Variants in TNPO1 observed in about 807,000 individuals in gnomAD.
TNPO1 encodes the protein transportin-1.
TNPO1 carries 8 observed loss-of-function variants against 119.5 expected under a neutral mutation model. That is an observed-to-expected ratio of 0.07 (90% CI 0.04 to 0.12). TNPO1 has a LOEUF of 0.12. Ranked by LOEUF, TNPO1 falls within the 10% of genes least tolerant of loss-of-function variation. TNPO1 has a pLI of 1.00. For synonymous variants in TNPO1, 362 were observed against 363.0 expected (o/e 1.00, Z 0.03); for missense variants, 576 against 1,089.8 (o/e 0.53, Z 6.64).
intron 19 of TNPO1, 83 bp downstream of exon 19, chr5:72,896,639 G>A (rs995266084): frequency 1.8e-5 from 19 of 1,068,416 alleles, no homozygotes; most frequent in Non-Finnish European, 2.3e-5. Flanking sequence ...GGAGGCTGAG[G>A]CGGGCAGATC....
intron 9 of TNPO1, chr5:72,878,748 G>T: frequency 4.0e-6 from 1 of 251,232 alleles, no homozygotes; most frequent in Non-Finnish European, 7.9e-6. Flanking sequence ...ATACGTTTGA[G>T]TTTCTGTGGG....
intron 6 of TNPO1, 108 bp from the exon 7 acceptor site, chr5:72,872,531 A>G (rs1747481466): frequency 1.5e-6 from 1 of 666,364 alleles, no homozygotes; most frequent in Non-Finnish European, 2.4e-6. Flanking sequence ...TAGTGGGTAT[A>G]TTGATAGACA....
chr5:72,834,611 G>A (rs1744611634), intron 1 of TNPO1, among the ~76,000 whole-genome samples: 1 of 152,196 alleles, frequency 6.6e-6, no homozygotes, highest in African/African-American at 2.4e-5. Flanking sequence ...GTGTGTTTGT[G>A]TTATAAGCTA....
chr5:72,822,835 C>T (rs544948537), intron 1 of TNPO1, among the ~76,000 whole-genome samples: 8 of 151,272 alleles, frequency 5.3e-5, no homozygotes, highest in East Asian at 1.9e-4. Flanking sequence ...TCAGGCAATC[C>T]GCCCACCTTG....
chr5:72,824,421 G>A (rs555445352), intron 1 of TNPO1, among the ~76,000 whole-genome samples: 19 of 152,244 alleles, frequency 1.2e-4, no homozygotes, highest in African/African-American at 3.4e-4. Flanking sequence ...TGAGGTCTTT[G>A]TCTGCACCAC....
intron 9 of TNPO1, among the ~76,000 whole-genome samples, chr5:72,880,950 A>G (rs1335433109): frequency 3.3e-5 from 5 of 152,084 alleles, no homozygotes. Context: ...CCAAATTGCC[A>G]CATGGTCACG....
chr5:72,890,015 A>G (rs2112449907), intron 14 of TNPO1, 58 bp downstream of exon 14: 1 of 1,551,692 alleles, frequency 6.4e-7, no homozygotes, highest in South Asian at 1.2e-5. Flanking sequence ...TACAATTAAT[A>G]GATTAGCATA....
At chr5:72,825,295 C>T (rs1443130761) in intron 1 of TNPO1, among the ~76,000 whole-genome samples, 7 of 152,162 alleles carry the variant, frequency 4.6e-5, no homozygotes, top group East Asian at 3.8e-4. Context: ...GCTCCTGTTA[C>T]GATCTGAATG....
At chr5:72,816,789 G>A in intron 1 of TNPO1, 37 bp downstream of exon 1, 1 of 1,568,876 alleles carries the variant, frequency 6.4e-7, no homozygotes, top group African/African-American at 1.4e-5. Flanking sequence ...CGAACTGCAG[G>A]GGCGGGAACG....
intron 18 of TNPO1, 98 bp downstream of exon 18, chr5:72,893,801 C>T (rs560110702): frequency 1.8e-6 from 2 of 1,123,864 alleles, no homozygotes; most frequent in African/African-American, 1.6e-5. Flanking sequence ...CATGGAATCC[C>T]AACATTTATA....
Position 72,900,049 on chromosome 5 carries a change from G to A in TNPO1, c.2382G>A (p.Val794=), listed in dbSNP as rs1265958849. ...TTGGTTACGTTTGTCCTCAAGAGGTGGCCCCCATGCTACAGCAGTTTATAA... is the reference window on the plus strand; with the variant it reads ...TTGGTTACGTTTGTCCTCAAGAGGTAGCCCCCATGCTACAGCAGTTTATAA... ...GRLGYVCPQE[V]APMLQQFIRP... Residue 794 remains valine, a synonymous_variant, in exon 21 of 25, where the codon GTG becomes GTA. Coordinates refer to ENST00000337273, the MANE Select transcript of TNPO1 (RefSeq NM_002270.4). The A allele has an allele frequency of 6.2e-7, 1 of 1,613,670 alleles. No individual in the cohort carries two copies. The highest frequency in any genetic ancestry group is 8.5e-7 in the Non-Finnish European group (1 of 1,179,880).
At chr5:72,849,802 T>C (rs1415305554) in intron 2 of TNPO1, among the ~76,000 whole-genome samples, 1 of 152,202 alleles carries the variant, frequency 6.6e-6, no homozygotes, top group Non-Finnish European at 1.5e-5. Context: ...TAATTTGTGT[T>C]GTCATAGTTC....
chr5:72,825,415 C>T (rs1325401129), intron 1 of TNPO1, among the ~76,000 whole-genome samples: 5 of 152,084 alleles, frequency 3.3e-5, no homozygotes, highest in South Asian at 2.1e-4. Context: ...AGGCCAGGTG[C>T]GGTGGCTTAT....
chr5:72,834,882 T>A (rs1744628128), intron 1 of TNPO1, among the ~76,000 whole-genome samples: 1 of 152,186 alleles, frequency 6.6e-6, no homozygotes, highest in African/African-American at 2.4e-5. Context: ...TTATACTTTA[T>A]TTTTTATTTT....
intron 7 of TNPO1, among the ~76,000 whole-genome samples, chr5:72,873,402 G>A (rs532098682): frequency 2.0e-5 from 3 of 152,196 alleles, no homozygotes; most frequent in South Asian, 4.1e-4. Flanking sequence ...CTACTGTTGG[G>A]AAATTATAAG....
In TNPO1 at chr5:72,900,098, C is replaced by T; in HGVS notation, c.2414+17C>T. On this transcript the variant is annotated intron_variant, in intron 21 of 24. Coordinates refer to ENST00000337273, the MANE Select transcript of TNPO1 (RefSeq NM_002270.4). The stretch of plus-strand genomic sequence containing the variant: ...AAGACCCTGGTGTGTATTATTCAAT[C>T]TTTTTTTTTAATTCATTTTTCTTCA... 1 of 1,578,766 alleles carries T rather than the reference C, an allele frequency of 6.3e-7. No homozygotes were observed. The highest frequency in any genetic ancestry group is 8.7e-7 in the Non-Finnish European group (1 of 1,154,972).
At chr5:72,867,146 G>A (rs1367186986) in intron 6 of TNPO1, among the ~76,000 whole-genome samples, 1 of 148,282 alleles carries the variant, frequency 6.7e-6, no homozygotes, top group African/African-American at 2.5e-5. Context: ...GCTCTAGCCT[G>A]AGTGATGGAA....
At chr5:72,898,943 A>C (rs1749632171) in intron 20 of TNPO1, among the ~76,000 whole-genome samples, 1 of 152,044 alleles carries the variant, frequency 6.6e-6, no homozygotes, top group Non-Finnish European at 1.5e-5. Context: ...CCATTAAAGC[A>C]CTTCATGGTT....
chr5:72,848,669 C>A (rs1275369767), intron 2 of TNPO1, among the ~76,000 whole-genome samples, 171 bp downstream of exon 2: 1 of 148,848 alleles, frequency 6.7e-6, no homozygotes, highest in African/African-American at 2.4e-5. Context: ...CCCTGCCGGG[C>A]GACTCGCGCA....
Sources: allele counts gnomAD v4.1 joint callset (sites outside exome capture counted in the v4.1 genomes callset), GRCh38; gene constraint gnomAD v4.1.1; transcripts MANE v1.5; gene names NCBI Gene and HGNC (gene_info 2026-07-23, HGNC 2026-07-21).